UNC5C: variants seen among roughly 807,000 people sequenced by gnomAD.
UNC5C encodes the protein unc-5 netrin receptor C.
A neutral mutation model predicts 99.8 loss-of-function variants in UNC5C; 47 were observed. The ratio of observed to expected loss-of-function variants is 0.47; its 90% confidence interval spans 0.37 to 0.60. The LOEUF (loss-of-function observed/expected upper bound fraction) is 0.60. Ranked by LOEUF, UNC5C falls within the 20% of genes least tolerant of loss-of-function variation. UNC5C has a pLI of 0.00. For missense variants in UNC5C, 1,062 were observed against 1,165.9 expected (o/e 0.91, Z 1.30); for synonymous variants, 487 against 452.2 (o/e 1.08, Z -0.98).
chr4:95,308,524 G>A (rs904378872), intron 2 of UNC5C, among the ~76,000 whole-genome samples: 14 of 151,664 alleles, frequency 9.2e-5, no homozygotes, highest in African/African-American at 1.9e-4. Context: ...AGGCTGAGGC[G>A]GGCAGATCAC....
At chr4:95,427,125 A>C (rs1189091000) in intron 1 of UNC5C, among the ~76,000 whole-genome samples, 2 of 152,172 alleles carry the variant, frequency 1.3e-5, no homozygotes, top group African/African-American at 4.8e-5. Context: ...TGGAACTAGC[A>C]AGAGAATTAG....
intron 1 of UNC5C, among the ~76,000 whole-genome samples, chr4:95,492,162 T>G (rs1721511505): frequency 6.6e-6 from 1 of 151,408 alleles, no homozygotes; most frequent in Non-Finnish European, 1.5e-5. Context: ...TAAATAGCAA[T>G]GTATAGTTTG....
chr4:95,324,361 T>G (rs1301143673), intron 2 of UNC5C, among the ~76,000 whole-genome samples: 1 of 152,220 alleles, frequency 6.6e-6, no homozygotes, highest in Non-Finnish European at 1.5e-5. Context: ...ATAGGACTGT[T>G]GCAGAAAAAT....
intron 14 of UNC5C, among the ~76,000 whole-genome samples, chr4:95,175,225 A>ACTAAAT (rs1736286460): frequency 6.6e-6 from 1 of 150,918 alleles, no homozygotes; most frequent in Non-Finnish European, 1.5e-5. Context: ...TTTTAATTGG[A>ACTAAAT]GCATTTAGTC....
intron 4 of UNC5C, among the ~76,000 whole-genome samples, chr4:95,259,559 T>G (rs1740143842): frequency 6.6e-6 from 1 of 152,224 alleles, no homozygotes; most frequent in South Asian, 2.1e-4. Flanking sequence ...TGGCCAATAT[T>G]GTTTGTATGC....
chr4:95,513,767 T>C (rs543825457), intron 1 of UNC5C, among the ~76,000 whole-genome samples: 27 of 152,282 alleles, frequency 1.8e-4, no homozygotes, highest in Admixed American at 7.9e-4. Context: ...GTTTGAAATA[T>C]TCAAACTTCG....
intron 1 of UNC5C, among the ~76,000 whole-genome samples, chr4:95,523,422 C>G (rs746691373): frequency 6.6e-5 from 10 of 152,210 alleles, no homozygotes; most frequent in Non-Finnish European, 8.8e-5. Flanking sequence ...CATCACCTTT[C>G]TTTTGACATA....
intron 1 of UNC5C, among the ~76,000 whole-genome samples, chr4:95,478,046 A>T (rs1170827314): frequency 6.6e-6 from 1 of 152,008 alleles, no homozygotes; most frequent in Non-Finnish European, 1.5e-5. Flanking sequence ...GAATATTGTT[A>T]TTATCAATAT....
intron 1 of UNC5C, among the ~76,000 whole-genome samples, chr4:95,368,980 C>A (rs1744662610): frequency 1.3e-5 from 2 of 151,764 alleles, no homozygotes. Flanking sequence ...TGCAGTGGCA[C>A]AATTACAGCT....
intron 3 of UNC5C, among the ~76,000 whole-genome samples, chr4:95,287,676 G>A (rs4699841): frequency 0.66 from 100,104 of 152,106 alleles, 33,919 homozygotes; most frequent in African/African-American, 0.83. Flanking sequence ...AGGCCACAGC[G>A]GAGCAGGGAT....
chr4:95,546,806 T>C (rs534085980), intron 1 of UNC5C, among the ~76,000 whole-genome samples: 1 of 152,326 alleles, frequency 6.6e-6, no homozygotes, highest in South Asian at 2.1e-4. Context: ...TTATTGATCC[T>C]TTTTCTACCC....
At chr4:95,363,987 T>C (rs1274936875) in intron 1 of UNC5C, among the ~76,000 whole-genome samples, 1 of 152,196 alleles carries the variant, frequency 6.6e-6, no homozygotes, top group Non-Finnish European at 1.5e-5. Flanking sequence ...GGGTGACATA[T>C]TGATATACTT....
At chr4:95,536,089 T>G (rs1722776264) in intron 1 of UNC5C, among the ~76,000 whole-genome samples, 1 of 149,694 alleles carries the variant, frequency 6.7e-6, no homozygotes, top group South Asian at 2.1e-4. Flanking sequence ...TATATTTTTT[T>G]TTTTTGAGAT....
At chr4:95,209,101 C>A (rs1206525199) in intron 10 of UNC5C, among the ~76,000 whole-genome samples, 1 of 152,182 alleles carries the variant, frequency 6.6e-6, no homozygotes, top group Non-Finnish European at 1.5e-5. Context: ...GTTCCCTAAG[C>A]TCATAGATCC....
intron 1 of UNC5C, among the ~76,000 whole-genome samples, chr4:95,343,827 A>C (rs913916574): frequency 6.6e-6 from 1 of 152,152 alleles, no homozygotes; most frequent in Non-Finnish European, 1.5e-5. Context: ...TAAAAGCAGA[A>C]TTAATGAAGC....
chr4:95,290,941 G>A, intron 3 of UNC5C, among the ~76,000 whole-genome samples: 1 of 152,134 alleles, frequency 6.6e-6, no homozygotes, highest in East Asian at 1.9e-4. Flanking sequence ...CCAAGCCCTG[G>A]CTATCACTTA....
chr4:95,207,434 G>A (rs2149362695), intron 10 of UNC5C, among the ~76,000 whole-genome samples: 1 of 152,190 alleles, frequency 6.6e-6, no homozygotes, highest in South Asian at 2.1e-4. Context: ...CCTAAAATAT[G>A]CAGATTCTTT....
intron 3 of UNC5C, among the ~76,000 whole-genome samples, chr4:95,288,645 C>T (rs1741330417): frequency 6.6e-6 from 1 of 152,230 alleles, no homozygotes; most frequent in Non-Finnish European, 1.5e-5. Context: ...TATGCGCTCC[C>T]TCTGGAGTTT....
chr4:95,464,487 T>C (rs1560842896), intron 1 of UNC5C, among the ~76,000 whole-genome samples: 1 of 152,204 alleles, frequency 6.6e-6, no homozygotes, highest in East Asian at 1.9e-4. Flanking sequence ...AGGCTTTTTT[T>C]AAGTCAGAAA....
Sources: gnomAD v4.1 joint callset for allele counts (sites outside exome capture counted in the v4.1 genomes callset) on GRCh38, gnomAD v4.1.1 for gene constraint, MANE v1.5 for transcripts, NCBI Gene and HGNC (gene_info 2026-07-23, HGNC 2026-07-21) for gene names.